The following LMBR1 variants were observed in gnomAD, a reference collection of about 807,000 sequenced individuals.
LMBR1 encodes the protein limb development membrane protein 1, also known as limb region 1 protein homolog.
LMBR1 carries 52 observed loss-of-function variants against 73.9 expected under a neutral mutation model. That is an observed-to-expected ratio of 0.70 (90% CI 0.56 to 0.89). LMBR1 has a LOEUF of 0.89. LMBR1 is among the 40% of genes least tolerant of loss of function. LMBR1 has a pLI of 0.00. For synonymous variants in LMBR1, 215 were observed against 209.4 expected, an observed-to-expected ratio of 1.03 and a Z score of -0.23; for missense variants, 539 against 579.8, an observed-to-expected ratio of 0.93 and a Z score of 0.72.
At chr7:156,879,999 G>T (rs1458379287) in intron 1 of LMBR1, among the ~76,000 whole-genome samples, 1 of 152,096 alleles carries the variant, frequency 6.6e-6, no homozygotes, top group Non-Finnish European at 1.5e-5. Context: ...ACCACTACTG[G>T]GTATCTACCC....
At chr7:156,806,633 G>A (rs1422817324) in intron 4 of LMBR1, among the ~76,000 whole-genome samples, 6 of 125,680 alleles carry the variant, frequency 4.8e-5, no homozygotes, top group East Asian at 2.3e-4. Context: ...TTTTTGAGAC[G>A]GAGTCTCACT....
intron 4 of LMBR1, among the ~76,000 whole-genome samples, chr7:156,814,457 G>A (rs1833585214): frequency 1.3e-5 from 2 of 152,162 alleles, no homozygotes; most frequent in South Asian, 2.1e-4. Context: ...ACATGTAGGT[G>A]TGTACATGTA....
chr7:156,723,999 G>A lies in LMBR1; in HGVS notation c.1225+113C>T, dbSNP rs887660005. On this transcript the variant is annotated intron_variant, in intron 15 of 16. Transcript: ENST00000353442. ...GAAGTAAAAGTGTAAAATAATGTAGGAAGAAACACTGTATTTCAAAGGTAA... is the reference window on the plus strand; with the variant it reads ...GAAGTAAAAGTGTAAAATAATGTAGAAAGAAACACTGTATTTCAAAGGTAA... 6 of 717,074 alleles carry A rather than the reference G, an allele frequency of 8.4e-6. No homozygotes were observed. In the Admixed American group the frequency reaches 1.1e-4, roughly 13 times the overall value. 44.4% of individuals were successfully genotyped at this position (717,074 alleles called of 1,614,324 possible). A position where few individuals can be genotyped will look rare whatever the true frequency, so the allele number is the denominator to read the frequency against.
At chr7:156,827,752 T>C (rs1279952653) in intron 3 of LMBR1, among the ~76,000 whole-genome samples, 2 of 152,030 alleles carry the variant, frequency 1.3e-5, no homozygotes, top group Non-Finnish European at 2.9e-5. Context: ...CAAAAACACA[T>C]CTAACAGAGA....
intron 1 of LMBR1, among the ~76,000 whole-genome samples, chr7:156,842,961 T>TACC (rs1838975559): frequency 6.6e-6 from 1 of 152,184 alleles, no homozygotes; most frequent in South Asian, 2.1e-4. Context: ...TGCAGACTTC[T>TACC]ACCTTTCACC....
intron 9 of LMBR1, among the ~76,000 whole-genome samples, chr7:156,736,311 G>A (rs1799097865): frequency 4.6e-5 from 7 of 152,110 alleles, no homozygotes; most frequent in Admixed American, 3.3e-4. Flanking sequence ...CTGATAAACT[G>A]TTCTTTAACA....
intron 3 of LMBR1, among the ~76,000 whole-genome samples, chr7:156,828,647 C>A (rs1336407522): frequency 6.6e-6 from 1 of 152,118 alleles, no homozygotes; most frequent in Admixed American, 6.5e-5. Context: ...AGTGTCTTTG[C>A]AAGGTGATGA....
downstream of LMBR1, among the ~76,000 whole-genome samples, chr7:156,677,428 C>G (rs1037814204): frequency 6.6e-6 from 1 of 152,158 alleles, no homozygotes; most frequent in African/African-American, 2.4e-5. Context: ...CTCCTTTTGT[C>G]TTGTGACACA....
intron 1 of LMBR1, among the ~76,000 whole-genome samples, chr7:156,865,865 GAAC>G (rs1266178197): frequency 1.3e-5 from 2 of 152,054 alleles, no homozygotes; most frequent in Admixed American, 1.3e-4. Flanking sequence ...AATGGTACTG[GAAC>G]AACTGGATAT....
intron 5 of LMBR1, among the ~76,000 whole-genome samples, chr7:156,768,254 G>A (rs933596299): frequency 6.6e-6 from 1 of 152,012 alleles, no homozygotes. Context: ...CTACTTGGGA[G>A]GCTGAGGCAG....
At chr7:156,786,425 A>G (rs1037836450) in intron 5 of LMBR1, among the ~76,000 whole-genome samples, 4 of 152,224 alleles carry the variant, frequency 2.6e-5, no homozygotes, top group African/African-American at 9.6e-5. Flanking sequence ...TATTGTATAA[A>G]TTGCTCTAGA....
At chr7:156,676,603 A>AT (rs1804105663), downstream of LMBR1, 3 of 1,614,126 alleles carry the variant, frequency 1.9e-6, no homozygotes, top group Non-Finnish European at 2.5e-6. Flanking sequence ...CCTCCTTTCC[A>AT]TGCCTGTCCT....
In LMBR1 at chr7:156,669,295, G is replaced by A. The variant is rs1801922035; in HGVS notation, n.867-8C>T. The A allele has an allele frequency of 6.6e-6, 1 of 152,164 alleles. No homozygotes were observed. The highest frequency in any genetic ancestry group is 1.5e-5 in the Non-Finnish European group (1 of 68,054). 9.4% of individuals were successfully genotyped at this position (152,164 alleles called of 1,614,324 possible). A position where few individuals can be genotyped will look rare whatever the true frequency, so the allele number is the denominator to read the frequency against. The stretch of plus-strand genomic sequence containing the variant: ...CACGCTTCCTGCAGGGAGCTGGGGA[G>A]AGACAAATAATAAAATATTTTGTTA... On this transcript the variant is annotated splice_region_variant and splice_polypyrimidine_tract_variant and intron_variant and non_coding_transcript_variant, in intron 4 of 4. Transcript: ENST00000430825. The surrounding 1 kb of genome is among the most constrained non-coding windows in gnomAD (Gnocchi z 4.2).
chr7:156,848,577 G>A (rs1372366110), intron 1 of LMBR1, among the ~76,000 whole-genome samples: 1 of 152,136 alleles, frequency 6.6e-6, no homozygotes, highest in Non-Finnish European at 1.5e-5. Flanking sequence ...ACTGGCTAGT[G>A]GAACTGTCAA....
chr7:156,838,218 AT>A (rs1004991829), intron 1 of LMBR1, among the ~76,000 whole-genome samples: 2 of 152,172 alleles, frequency 1.3e-5, no homozygotes, highest in African/African-American at 4.8e-5. Flanking sequence ...AATATTTATA[AT>A]TTTTTGTGAT....
intron 15 of LMBR1, among the ~76,000 whole-genome samples, chr7:156,715,604 A>T (rs143313025): frequency 7.2e-5 from 11 of 152,344 alleles, no homozygotes; most frequent in African/African-American, 2.6e-4. Context: ...CATCCTAAAA[A>T]ATGAATAATC....
intron 4 of LMBR1, among the ~76,000 whole-genome samples, chr7:156,797,620 G>A (rs183904081): frequency 5.9e-5 from 9 of 152,302 alleles, no homozygotes; most frequent in Non-Finnish European, 8.8e-5. Context: ...GAGCAGAGCC[G>A]TCCCTAACTA....
At chr7:156,677,134 C>T (rs1007677945), downstream of LMBR1, 1 of 154,376 alleles carries the variant, frequency 6.5e-6, no homozygotes, top group African/African-American at 2.4e-5. Context: ...CAAAAAAGTG[C>T]AAATTTTAAT....
In LMBR1 at chr7:156,888,378, C is replaced by T. The variant is rs190243919; in HGVS notation, c.66+4550G>A. On this transcript the variant is annotated intron_variant, in intron 1 of 16. Coordinates refer to ENST00000353442, the MANE Select transcript of LMBR1 (RefSeq NM_022458.4). ...TGAGCCGAGATTGAGTCACTGCACT[C>T]CAGCCTGGGAAACACAGCGAGACTC... 6.6e-4 allele frequency among the ~76,000 whole-genome samples: 98 copies of T among 148,858 alleles called. 2 individuals carry two copies. The East Asian group carries it at 0.016, about 24-fold the overall frequency.
Sources: gnomAD v4.1 joint callset for allele counts (sites outside exome capture counted in the v4.1 genomes callset) on GRCh38, gnomAD v4.1.1 for gene constraint, Gnocchi (gnomAD v3.1) non-coding constraint, MANE v1.5 for transcripts, NCBI Gene and HGNC (gene_info 2026-07-23, HGNC 2026-07-21) for gene names.